The following NALF1 variants were observed in gnomAD, a reference collection of about 807,000 sequenced individuals.
NALF1 encodes family with sequence similarity 155 member A.
NALF1 carries 3 observed loss-of-function variants against 48.4 expected under a neutral mutation model. That is an observed-to-expected ratio of 0.06 (90% CI 0.03 to 0.16). NALF1 has a LOEUF of 0.16. Ranked by LOEUF, NALF1 falls within the 10% of genes least tolerant of loss-of-function variation. The pLI is 1.00. For synonymous variants in NALF1, 262 were observed against 245.7 expected, an observed-to-expected ratio of 1.07 and a Z score of -0.62; for missense variants, 526 against 571.5, an observed-to-expected ratio of 0.92 and a Z score of 0.81.
intron 1 of NALF1, among the ~76,000 whole-genome samples, chr13:107,486,062 TC>T (rs1238899012): frequency 6.6e-6 from 1 of 152,202 alleles, no homozygotes; most frequent in Non-Finnish European, 1.5e-5. Flanking sequence ...TTCCTCCACC[TC>T]CCACCCTTCT....
At chr13:107,297,410 T>TCTAAATGAG (rs1412267294) in intron 1 of NALF1, among the ~76,000 whole-genome samples, 2 of 152,158 alleles carry the variant, frequency 1.3e-5, no homozygotes, top group Non-Finnish European at 2.9e-5. Flanking sequence ...CATTTTTTGC[T>TCTAAATGAG]CTCTAAAATG....
chr13:107,256,908 AAGTCTGTTGTTGTATT>A (rs1199376093), intron 1 of NALF1, among the ~76,000 whole-genome samples: 5 of 152,166 alleles, frequency 3.3e-5, no homozygotes, highest in African/African-American at 7.2e-5. Flanking sequence ...GGATGCATCT[AAGTCTGTTGTTGTATT>A]AGTCTGTTTT....
chr13:107,430,191 G>A (rs536599824), intron 1 of NALF1, among the ~76,000 whole-genome samples: 34 of 152,220 alleles, frequency 2.2e-4, no homozygotes, highest in Admixed American at 3.3e-4. Flanking sequence ...CATAGCAAGC[G>A]GTTGGAATAT....
intron 1 of NALF1, among the ~76,000 whole-genome samples, chr13:107,710,693 A>G (rs867048404): frequency 2.0e-5 from 3 of 150,524 alleles, no homozygotes; most frequent in Non-Finnish European, 4.4e-5. Flanking sequence ...ATCGCCTCCC[A>G]CCAGGTCCCT....
At position 107,387,806 on chromosome 13, in the gene NALF1, A is replaced by C. The variant is rs552679093; in HGVS notation, c.916-177051T>G. On this transcript the variant is annotated intron_variant, in intron 1 of 2. Coordinates refer to ENST00000375915, the MANE Select transcript of NALF1 (RefSeq NM_001080396.3). ...ACTGCTGAAATTCATAGGTACTTGT[A>C]CTTTTTTCAAAACCTAAGTCATTCT... Among the ~76,000 whole-genome samples the C allele has an allele frequency of 6.5e-4, 99 of 152,320 alleles. 1 individual carries two copies. Among genetic ancestry groups the C allele is most frequent in the African/African-American group, 2.3e-3 (95 of 41,564 alleles).
intron 1 of NALF1, among the ~76,000 whole-genome samples, chr13:107,223,862 ACT>A (rs768842424): frequency 1.3e-5 from 2 of 152,144 alleles, no homozygotes; most frequent in Non-Finnish European, 2.9e-5. Flanking sequence ...AGGGCACAAA[ACT>A]CTAGGAAAGA....
intron 1 of NALF1, among the ~76,000 whole-genome samples, chr13:107,803,388 G>A (rs1255673512): frequency 6.6e-6 from 1 of 152,048 alleles, no homozygotes; most frequent in Non-Finnish European, 1.5e-5. Flanking sequence ...GAGCCAACTG[G>A]CATCTTGCTC....
chr13:107,305,512 T>G (rs983401474), intron 1 of NALF1, among the ~76,000 whole-genome samples: 1 of 152,218 alleles, frequency 6.6e-6, no homozygotes, highest in Non-Finnish European at 1.5e-5. Context: ...TATCTTCTGC[T>G]TATGCTTTAG....
In NALF1 at chr13:107,660,436, AACACACACACACACACACAC is replaced by A. The variant is rs201215515; in HGVS notation, c.915+205226_915+205245del. ...TGACAGGGCAAGACTCTGTCTCAAA[AACACACACACACACACACAC>A]ACACACACACACACACACACACACA... On this transcript the variant is annotated intron_variant, in intron 1 of 2. Transcript: ENST00000375915. Among the ~76,000 whole-genome samples the A allele has an allele frequency of 7.7e-4, 72 of 93,684 alleles. 2 individuals carry two copies. The highest frequency in any genetic ancestry group is 1.0e-3 in the Admixed American group (11 of 10,516). The allele number at this position is 93,684 out of a possible 152,430, so 61.5% of individuals were successfully genotyped here. A position where few individuals can be genotyped will look rare whatever the true frequency, so the allele number is the denominator to read the frequency against.
At chr13:107,382,736 G>A (rs1419079653) in intron 1 of NALF1, among the ~76,000 whole-genome samples, 11 of 152,208 alleles carry the variant, frequency 7.2e-5, no homozygotes, top group Admixed American at 5.2e-4. Context: ...CTGATTGGTC[G>A]TTTGGTAAAA....
intron 1 of NALF1, among the ~76,000 whole-genome samples, chr13:107,820,998 G>T (rs1879345031): frequency 6.6e-6 from 1 of 152,112 alleles, no homozygotes; most frequent in Non-Finnish European, 1.5e-5. Context: ...TATCCAACTA[G>T]AAACACAAGC....
chr13:107,537,244 A>G (rs1308314176), intron 1 of NALF1, among the ~76,000 whole-genome samples: 7 of 152,110 alleles, frequency 4.6e-5, no homozygotes, highest in African/African-American at 1.7e-4. Context: ...AAAAAGTTAA[A>G]AAAAAAGGGA....
At chr13:107,348,959 C>T (rs1349378012) in intron 1 of NALF1, among the ~76,000 whole-genome samples, 1 of 152,124 alleles carries the variant, frequency 6.6e-6, no homozygotes, top group African/African-American at 2.4e-5. Context: ...CACTGTTCAT[C>T]CTTCAAGAGA....
chr13:107,580,725 G>A (rs967096149), intron 1 of NALF1, among the ~76,000 whole-genome samples: 5 of 152,110 alleles, frequency 3.3e-5, no homozygotes, highest in Non-Finnish European at 2.9e-5. Context: ...AAGTTTTGAG[G>A]AAAAAGCTTA....
intron 2 of NALF1, among the ~76,000 whole-genome samples, chr13:107,200,215 G>A (rs183311191): frequency 6.6e-6 from 1 of 152,298 alleles, no homozygotes; most frequent in South Asian, 2.1e-4. Flanking sequence ...CCCCTTGGGG[G>A]TCAGGGAGGA....
At chr13:107,546,921 C>A (rs1267131026) in intron 1 of NALF1, among the ~76,000 whole-genome samples, 1 of 152,090 alleles carries the variant, frequency 6.6e-6, no homozygotes, top group Admixed American at 6.6e-5. Flanking sequence ...CATTGGCAAG[C>A]CTAGTATTCT....
At position 107,315,709 on chromosome 13, in the gene NALF1, A is replaced by C. The variant is rs542639114; in HGVS notation, c.916-104954T>G. ...ATGAACATTTTTGCAGTTATTTTCT[A>C]TGCTCAGCTTGCTTCTCTATTTTTA... On this transcript the variant is annotated intron_variant, in intron 1 of 2. Transcript: ENST00000375915. 3.9e-5 allele frequency among the ~76,000 whole-genome samples: 6 copies of C among 152,036 alleles called. No homozygotes were observed. In the South Asian group the frequency reaches 1.2e-3, roughly 32 times the overall value.
At chr13:107,660,483 A>AAAG (rs771767199) in intron 1 of NALF1, among the ~76,000 whole-genome samples, 1 of 114,624 alleles carries the variant, frequency 8.7e-6, no homozygotes, top group East Asian at 2.4e-4. Context: ...ACACACACAC[A>AAAG]CAACAAAGAA....
At chr13:107,834,607 C>A (rs1407432208) in intron 1 of NALF1, among the ~76,000 whole-genome samples, 1 of 152,128 alleles carries the variant, frequency 6.6e-6, no homozygotes, top group Non-Finnish European at 1.5e-5. Context: ...CCCCAGACAG[C>A]TGGATCATTT....
Sources: gnomAD v4.1 joint callset for allele counts (sites outside exome capture counted in the v4.1 genomes callset) on GRCh38, gnomAD v4.1.1 for gene constraint, MANE v1.5 for transcripts, NCBI Gene and HGNC (gene_info 2026-07-23, HGNC 2026-07-21) for gene names.